Variants in SMC1A observed in about 807,000 individuals in gnomAD.
SMC1A encodes structural maintenance of chromosomes 1A, also known as structural maintenance of chromosomes protein 1A.
In SMC1A, 4 loss-of-function variants were observed where a neutral mutation model predicts 94.5. The observed-to-expected ratio is 0.04, with a 90% CI of 0.02 to 0.10. SMC1A has a LOEUF of 0.10. Among genes scored for constraint, SMC1A ranks in the 10% least tolerant of loss-of-function variants. The pLI, the probability that SMC1A is intolerant of heterozygous loss-of-function variation, is 1.00. For synonymous variants in SMC1A, 345 were observed against 347.7 expected (o/e 0.99, Z 0.09); for missense variants, 304 against 989.0 (o/e 0.31, Z 9.29).
At chrX:53,421,748 T>G in intron 1 of SMC1A, 1 of 571,894 alleles carries the variant, frequency 1.7e-6, no homozygotes, top group East Asian at 3.6e-5. Flanking sequence ...GAGCATGGAG[T>G]TGGTTTATTC....
intron 3 of SMC1A, among the ~76,000 whole-genome samples, chrX:53,413,696 T>C (rs1322541459): frequency 1.8e-5 from 2 of 111,661 alleles, no homozygotes; most frequent in African/African-American, 6.5e-5. Flanking sequence ...GGTAGGAGAC[T>C]GATAGGGATA....
rs1444432207 is a variant in SMC1A, at chrX:53,377,425, A to G, written c.*2678T>C. On this transcript the variant is annotated 3_prime_UTR_variant, in exon 25 of 25. Transcript: ENST00000322213. ...GCAATTTATTTTTAAAGAGCTCCACATCCTTTGGATGTGGGGGTGCAAGCA... is the reference window on the plus strand; with the variant it reads ...GCAATTTATTTTTAAAGAGCTCCACGTCCTTTGGATGTGGGGGTGCAAGCA... 1 of 112,447 alleles carries G rather than the reference A, an allele frequency of 8.9e-6. No homozygotes were observed. The highest frequency in any genetic ancestry group is 1.9e-5 in the Non-Finnish European group (1 of 53,240). The allele number at this position is 112,447 out of a possible 1,213,427, so 9.3% of individuals were successfully genotyped here.
At chrX:53,393,130 C>T (rs1227949404) in intron 19 of SMC1A, among the ~76,000 whole-genome samples, 1 of 111,693 alleles carries the variant, frequency 9.0e-6, no homozygotes, top group Non-Finnish European at 1.9e-5. Flanking sequence ...TACACAACAT[C>T]ACCTATGATA....
intron 22 of SMC1A, 52 bp from the exon 23 acceptor site, chrX:53,381,139 A>AAT: frequency 2.5e-6 from 1 of 406,776 alleles, no homozygotes; most frequent in Admixed American, 2.7e-5. Flanking sequence ...GGGGGTGGCA[A>AAT]GGCGGGGTGG....
chrX:53,408,353 A>T (rs1001022445), intron 9 of SMC1A, among the ~76,000 whole-genome samples: 2 of 110,670 alleles, frequency 1.8e-5, no homozygotes, highest in Non-Finnish European at 3.8e-5. Context: ...TCAATCAATC[A>T]ATCTCTTCTA....
In SMC1A at chrX:53,387,620, C is replaced by T. The variant is rs781800720; in HGVS notation, c.2974-4367G>A. Among the ~76,000 whole-genome samples, 5 of 111,530 alleles carry T rather than the reference C, an allele frequency of 4.5e-5. No homozygotes were observed. The East Asian group carries it at 1.4e-3, about 31-fold the overall frequency. ...GTAGTTGCTAAATAATAGCATTTCC[C>T]ACTAAAGGAAGTCAGAGCTTCCTGG... is the stretch of plus-strand genomic sequence containing the variant. On this transcript the variant is annotated intron_variant, in intron 19 of 24. Transcript: ENST00000322213.
At chrX:53,391,311 G>A (rs1016827895) in intron 19 of SMC1A, among the ~76,000 whole-genome samples, 17 of 109,175 alleles carry the variant, frequency 1.6e-4, no homozygotes, top group Non-Finnish European at 2.5e-4. Context: ...GTGAGACTCC[G>A]TCTCAAACAA....
intron 5 of SMC1A, 76 bp downstream of exon 5, chrX:53,412,824 C>T (rs1569358935): frequency 6.7e-6 from 8 of 1,202,557 alleles, no homozygotes; most frequent in East Asian, 3.0e-5. Flanking sequence ...TACTGAACTC[C>T]GGGCTCAGAG....
chrX:53,381,786 T>C (rs1029570354), intron 22 of SMC1A: 39 of 233,626 alleles, frequency 1.7e-4, no homozygotes, highest in Non-Finnish European at 2.3e-4. Flanking sequence ...AAATTGATGC[T>C]GTACAATCAA....
At chrX:53,412,765 T>G in intron 5 of SMC1A, 135 bp downstream of exon 5, 3 of 994,466 alleles carry the variant, frequency 3.0e-6, no homozygotes, top group Non-Finnish European at 4.2e-6. Flanking sequence ...GAAATGTGCC[T>G]GGTTCTTACA....
At chrX:53,387,121 G>C (rs1350984639) in intron 19 of SMC1A, among the ~76,000 whole-genome samples, 9 of 111,369 alleles carry the variant, frequency 8.1e-5, no homozygotes, top group African/African-American at 2.6e-4. Context: ...TCAGCCTCCC[G>C]AGTAGCTAGG....
At chrX:53,415,417 G>T (rs1225022899) in intron 1 of SMC1A, among the ~76,000 whole-genome samples, 1 of 111,047 alleles carries the variant, frequency 9.0e-6, no homozygotes, top group Non-Finnish European at 1.9e-5. Context: ...GATAAGCGTA[G>T]TGACTCACAC....
intron 16 of SMC1A, 62 bp from the exon 17 acceptor site, chrX:53,396,679 T>G: frequency 8.8e-7 from 1 of 1,138,491 alleles, no homozygotes; most frequent in Non-Finnish European, 1.2e-6. Flanking sequence ...CCCTGGGATA[T>G]TCTCCTGCTC....
rs902918356 is a variant in SMC1A, at chrX:53,374,565, G to C, written c.*5538C>G. On this transcript the variant is annotated 3_prime_UTR_variant, in exon 25 of 25. Transcript: ENST00000322213. The stretch of plus-strand genomic sequence containing the variant: ...GTTGCCACATGGTTCTGGCTACCTT[G>C]TGGTTCTTGCAGTCTCATCGCTTCT... 1 of 111,705 alleles carries C rather than the reference G, an allele frequency of 9.0e-6. No individual in the cohort carries two copies. Among genetic ancestry groups the C allele is most frequent in the Admixed American group, 9.5e-5 (1 of 10,473 alleles). The allele number at this position is 111,705 out of a possible 1,213,427, so 9.2% of individuals were successfully genotyped here.
intron 19 of SMC1A, among the ~76,000 whole-genome samples, chrX:53,392,389 C>CAA (rs1347995937): frequency 1.0e-4 from 9 of 86,917 alleles, no homozygotes; most frequent in African/African-American, 3.8e-4. Flanking sequence ...GAGACTGTCT[C>CAA]AAAAAAAAAA....
chrX:53,402,868 C>CAAAA lies in SMC1A; in HGVS notation c.2420+694_2420+697dup, dbSNP rs151144282. ...TGGGCGACAGAGCAAGACTCTGTCT[C>CAAAA]AAAAAAAAAAAAAAAAAGGGCCGGC... On this transcript the variant is annotated intron_variant, in intron 15 of 24. Coordinates refer to ENST00000322213, the MANE Select transcript of SMC1A (RefSeq NM_006306.4). Among the ~76,000 whole-genome samples, 8 of 10,082 alleles carry CAAAA rather than the reference C, an allele frequency of 7.9e-4. 3 individuals carry two copies. The highest frequency in any genetic ancestry group is 0.18 in the Middle Eastern group (2 of 11). 8.8% of individuals were successfully genotyped at this position (10,082 alleles called of 115,157 possible). A position where few individuals can be genotyped will look rare whatever the true frequency, so the allele number is the denominator to read the frequency against.
intron 20 of SMC1A, 105 bp from the exon 21 acceptor site, chrX:53,382,765 G>A: frequency 1.0e-6 from 1 of 986,711 alleles, no homozygotes; most frequent in Non-Finnish European, 1.4e-6. Flanking sequence ...AATGCCTGAG[G>A]AGGGTCCCAG....
At chrX:53,418,126 G>A (rs1219060460) in intron 1 of SMC1A, among the ~76,000 whole-genome samples, 1 of 112,188 alleles carries the variant, frequency 8.9e-6, no homozygotes, top group Non-Finnish European at 1.9e-5. Context: ...CTTTTACTTT[G>A]TTCATTTTAG....
At position 53,399,529 on chromosome X, in the gene SMC1A, T is replaced by A. The variant is rs2075663761; in HGVS notation, c.2562+60A>T. On this transcript the variant is annotated intron_variant, in intron 16 of 24. Coordinates refer to ENST00000322213, the MANE Select transcript of SMC1A (RefSeq NM_006306.4). ...GTGGACATTATCCTTCTGTCTGTCG[T>A]ATTTCTTCCCATTTTTCCTCCCAGT... The A allele has an allele frequency of 2.8e-6, 3 of 1,075,251 alleles. No homozygotes were observed. The African/African-American group carries it at 5.5e-5, about 20-fold the overall frequency. The allele number at this position is 1,075,251 out of a possible 1,213,427, so 88.6% of individuals were successfully genotyped here. A position where few individuals can be genotyped will look rare whatever the true frequency, so the allele number is the denominator to read the frequency against.
Sources: gnomAD v4.1 joint callset for allele counts (sites outside exome capture counted in the v4.1 genomes callset) on GRCh38, gnomAD v4.1.1 for gene constraint, MANE v1.5 for transcripts, NCBI Gene and HGNC (gene_info 2026-07-23, HGNC 2026-07-21) for gene names.